NRF1: variants seen among roughly 807,000 people sequenced by gnomAD.
The protein encoded by NRF1 is nuclear respiratory factor 1, also known as alpha palindromic-binding protein.
Under a neutral mutation model 58.5 loss-of-function variants are expected in NRF1, and 5 were observed. That is an observed-to-expected ratio of 0.09 (90% CI 0.04 to 0.18). The LOEUF (loss-of-function observed/expected upper bound fraction) is 0.18, where lower values mean the gene tolerates loss of function less well. Ranked by LOEUF, NRF1 falls within the 10% of genes least tolerant of loss-of-function variation. The pLI is 1.00. For synonymous variants in NRF1, 224 were observed against 246.7 expected (o/e 0.91, Z 0.86); for missense variants, 288 against 657.7 (o/e 0.44, Z 6.15).
intron 4 of NRF1, among the ~76,000 whole-genome samples, chr7:129,688,239 A>T (rs2151091624): frequency 6.6e-6 from 1 of 151,882 alleles, no homozygotes; most frequent in Middle Eastern, 3.4e-3. Flanking sequence ...CCATCCTCCT[A>T]CCTCAGCCTC....
At chr7:129,632,319 A>G (rs1307439131) in intron 1 of NRF1, among the ~76,000 whole-genome samples, 1 of 152,144 alleles carries the variant, frequency 6.6e-6, no homozygotes, top group Non-Finnish European at 1.5e-5. Flanking sequence ...TCTCTGATTT[A>G]CTCAGTACTA....
rs147703663 is a variant in NRF1, at chr7:129,677,973, A to G, written c.465+215A>G. Among the ~76,000 whole-genome samples, 867 of 133,852 alleles carry G rather than the reference A, an allele frequency of 6.5e-3. 10 individuals are homozygous for G. The highest frequency in any genetic ancestry group is 0.022 in the African/African-American group (813 of 37,524). The allele number at this position is 133,852 out of a possible 152,430, so 87.8% of individuals were successfully genotyped here. ...ACGTCAAGGTATTTTACCTCCCCAG[A>G]TGCAATGGGTGGCCGGGGGAAGGGG... is the stretch of plus-strand genomic sequence containing the variant. On this transcript the variant is annotated intron_variant, in intron 4 of 10. Transcript: ENST00000393232.
At chr7:129,721,567 C>T (rs567435228) in intron 9 of NRF1, among the ~76,000 whole-genome samples, 19 of 151,540 alleles carry the variant, frequency 1.3e-4, no homozygotes, top group Admixed American at 1.1e-3. Flanking sequence ...CTGCAAGCTC[C>T]GCCTCCTGGG....
At chr7:129,754,464 T>TAAAAAAA (rs57595268) in intron 10 of NRF1, among the ~76,000 whole-genome samples, 1,134 of 51,174 alleles carry the variant, frequency 0.022, 93 homozygotes, top group African/African-American at 0.064. Flanking sequence ...CCCTGTCTCT[T>TAAAAAAA]AAAAAAAAAA....
intron 9 of NRF1, among the ~76,000 whole-genome samples, chr7:129,724,074 G>A (rs1803395169): frequency 6.6e-6 from 1 of 152,192 alleles, no homozygotes; most frequent in African/African-American, 2.4e-5. Context: ...CTTAAAATGT[G>A]TGCATCAAAA....
chr7:129,671,153 A>G (rs1802038837), intron 2 of NRF1, among the ~76,000 whole-genome samples: 1 of 152,210 alleles, frequency 6.6e-6, no homozygotes, highest in African/African-American at 2.4e-5. Context: ...AAACAAAGCC[A>G]AAGAAAAACA....
chr7:129,626,292 G>C (rs1052144199), intron 1 of NRF1, among the ~76,000 whole-genome samples: 2 of 152,204 alleles, frequency 1.3e-5, no homozygotes, highest in Non-Finnish European at 2.9e-5. Flanking sequence ...GTGTGGCCTA[G>C]AACCCAGCAT....
intron 5 of NRF1, among the ~76,000 whole-genome samples, chr7:129,695,645 G>C (rs1802674726): frequency 6.7e-6 from 1 of 149,216 alleles, no homozygotes. Flanking sequence ...GAGGGGTTTA[G>C]GGCTTTATTT....
intron 3 of NRF1, among the ~76,000 whole-genome samples, chr7:129,675,748 A>G (rs1444840565): frequency 1.3e-5 from 2 of 152,208 alleles, no homozygotes; most frequent in Non-Finnish European, 2.9e-5. Context: ...ACTGCCATCC[A>G]GGTTTTATTG....
intron 2 of NRF1, among the ~76,000 whole-genome samples, chr7:129,662,035 G>A (rs1278635239): frequency 6.6e-6 from 1 of 150,572 alleles, no homozygotes; most frequent in Admixed American, 6.6e-5. Context: ...AGCTTGTGCA[G>A]TGGAATTCCT....
chr7:129,628,987 A>G (rs1183198816), intron 1 of NRF1, among the ~76,000 whole-genome samples: 1 of 152,234 alleles, frequency 6.6e-6, no homozygotes, highest in Non-Finnish European at 1.5e-5. Context: ...GTCTCATCAG[A>G]AAAGGCTTTT....
intron 1 of NRF1, among the ~76,000 whole-genome samples, chr7:129,624,535 G>A (rs1800872956): frequency 2.6e-5 from 4 of 152,124 alleles, no homozygotes; most frequent in Admixed American, 2.0e-4. Flanking sequence ...AGAAAGCTCT[G>A]CTCTCCAAAG....
chr7:129,724,497 G>A (rs902420978), intron 9 of NRF1, among the ~76,000 whole-genome samples: 1 of 152,168 alleles, frequency 6.6e-6, no homozygotes, highest in Admixed American at 6.5e-5. Flanking sequence ...TTAAAAATGG[G>A]ACTACCGTAT....
rs1213264704 is a variant in NRF1 at position 129,648,279 on chromosome 7, T to A, written c.-6-9067T>A. Among the ~76,000 whole-genome samples, 4 of 142,884 alleles carry A rather than the reference T, an allele frequency of 2.8e-5. No homozygotes were observed. The East Asian group carries it at 8.1e-4, about 29-fold the overall frequency. 93.7% of individuals were successfully genotyped at this position (142,884 alleles called of 152,430 possible). ...TATCAAATGGGCATTATTGACTTTT[T>A]TTTTTTTTTTTTTTTTTTGAGAAGG... On this transcript the variant is annotated intron_variant, in intron 1 of 10. Coordinates refer to ENST00000393232, the MANE Select transcript of NRF1 (RefSeq NM_005011.5).
chr7:129,624,729 G>T (rs11975979), intron 1 of NRF1, among the ~76,000 whole-genome samples: 1 of 151,934 alleles, frequency 6.6e-6, no homozygotes, highest in Non-Finnish European at 1.5e-5. Context: ...TGCCCAGGCT[G>T]CTCTCAGACT....
Position 129,658,133 on chromosome 7 carries a change from C to T in NRF1, c.223+559C>T, listed in dbSNP as rs117476946. ...ATTTACCTTCTTTTCTATATGCTTT[C>T]TCTTTGCCCTACCTGTTCTGTTTAC... On this transcript the variant is annotated intron_variant, in intron 2 of 10. Coordinates refer to ENST00000393232, the MANE Select transcript of NRF1 (RefSeq NM_005011.5). 1.9e-3 allele frequency among the ~76,000 whole-genome samples: 287 copies of T among 152,268 alleles called. 1 individual carries two copies. Among genetic ancestry groups the T allele is most frequent in the Non-Finnish European group, 3.0e-3 (206 of 68,010 alleles).
Position 129,683,318 on chromosome 7 carries a change from T to TGTGTGTGA in NRF1, c.465+5563_465+5564insTGTGAGTG, listed in dbSNP as rs1554408854. On this transcript the variant is annotated intron_variant, in intron 4 of 10. Coordinates refer to ENST00000393232, the MANE Select transcript of NRF1 (RefSeq NM_005011.5). ...GTGTGTGTGTGTGTGTGTGTGTGTG[T>TGTGTGTGA]GTGAGAGAGAGAGAGAGAGAGAGAG... is the stretch of plus-strand genomic sequence containing the variant. Among the ~76,000 whole-genome samples the TGTGTGTGA allele has an allele frequency of 1.9e-4, 27 of 140,646 alleles. 1 individual carries two copies. In the South Asian group the frequency reaches 4.4e-3, roughly 23 times the overall value. 92.3% of individuals were successfully genotyped at this position (140,646 alleles called of 152,430 possible). A position where few individuals can be genotyped will look rare whatever the true frequency, so the allele number is the denominator to read the frequency against.
chr7:129,672,080 G>A (rs1174400319), intron 3 of NRF1, among the ~76,000 whole-genome samples: 1 of 152,148 alleles, frequency 6.6e-6, no homozygotes, highest in Non-Finnish European at 1.5e-5. Flanking sequence ...GAACATCTCA[G>A]GCAGGGTGAG....
At chr7:129,687,143 C>T (rs1802460040) in intron 4 of NRF1, among the ~76,000 whole-genome samples, 1 of 152,146 alleles carries the variant, frequency 6.6e-6, no homozygotes, top group Non-Finnish European at 1.5e-5. Flanking sequence ...TTTCAGTCAT[C>T]ATTGTCTGTG....
Sources: allele counts gnomAD v4.1 joint callset (sites outside exome capture counted in the v4.1 genomes callset), GRCh38; gene constraint gnomAD v4.1.1; transcripts MANE v1.5; gene names NCBI Gene and HGNC (gene_info 2026-07-23, HGNC 2026-07-21).